Variants in EPB41L3 observed in about 807,000 individuals in gnomAD.
EPB41L3 encodes erythrocyte membrane protein band 4.1 like 3.
A neutral mutation model predicts 127.1 loss-of-function variants in EPB41L3; 57 were observed. The ratio of observed to expected loss-of-function variants is 0.45; its 90% CI spans 0.36 to 0.56. The LOEUF (loss-of-function observed/expected upper bound fraction) is 0.56. Ranked by LOEUF, EPB41L3 falls within the 20% of genes least tolerant of loss-of-function variation. The probability of loss-of-function intolerance (pLI) is 0.00; values close to 1 mark genes in which losing one functional copy is unlikely to be tolerated. For missense variants in EPB41L3, 1,273 were observed against 1,372.2 expected (o/e 0.93, Z 1.14); for synonymous variants, 572 against 549.5 (o/e 1.04, Z -0.57).
At chr18:5,422,197 A>T (rs1412094398) in intron 11 of EPB41L3, among the ~76,000 whole-genome samples, 1 of 152,134 alleles carries the variant, frequency 6.6e-6, no homozygotes, top group Non-Finnish European at 1.5e-5. Context: ...TTCAATCTGG[A>T]TTTACCCATG....
intron 1 of EPB41L3, among the ~76,000 whole-genome samples, chr18:5,623,216 G>A (rs922848623): frequency 6.6e-6 from 1 of 152,038 alleles, no homozygotes; most frequent in African/African-American, 2.4e-5. Flanking sequence ...GCACATAGTG[G>A]ATAGCCAACA....
chr18:5,513,323 C>A (rs117232831), intron 1 of EPB41L3, among the ~76,000 whole-genome samples: 1 of 152,126 alleles, frequency 6.6e-6, no homozygotes, highest in Non-Finnish European at 1.5e-5. Flanking sequence ...GACCACAAAT[C>A]TACTATGTAG....
chr18:5,522,048 G>A lies in EPB41L3; in HGVS notation c.-12+21865C>T, dbSNP rs114396416. On this transcript the variant is annotated intron_variant, in intron 1 of 22. Transcript: ENST00000341928. ...AACGATGTTTACAACAAGCAAAAGG[G>A]TTATCTTTAGAACAGACATGTATTT... 6.1e-3 allele frequency among the ~76,000 whole-genome samples: 930 copies of A among 152,130 alleles called. 11 individuals carry two copies. The highest frequency in any genetic ancestry group is 0.021 in the African/African-American group (882 of 41,512).
intron 1 of EPB41L3, among the ~76,000 whole-genome samples, chr18:5,615,362 TC>T (rs1370004526): frequency 6.6e-6 from 1 of 152,282 alleles, no homozygotes; most frequent in East Asian, 1.9e-4. Context: ...CTTGGTTTTA[TC>T]TCTTTATTTT....
At chr18:5,471,348 C>T (rs559018926) in intron 3 of EPB41L3, among the ~76,000 whole-genome samples, 5 of 152,206 alleles carry the variant, frequency 3.3e-5, no homozygotes, top group South Asian at 2.1e-4. Flanking sequence ...TAAAGCCACA[C>T]GCAGAGTAAG....
At chr18:5,537,734 G>C (rs2093612949) in intron 1 of EPB41L3, among the ~76,000 whole-genome samples, 1 of 152,132 alleles carries the variant, frequency 6.6e-6, no homozygotes. Flanking sequence ...CTTCTGGAAT[G>C]TCCTATCTGG....
intron 2 of EPB41L3, among the ~76,000 whole-genome samples, chr18:5,486,246 T>C (rs1599631116): frequency 1.3e-5 from 2 of 152,054 alleles, no homozygotes; most frequent in South Asian, 4.2e-4. Context: ...AGAACAGTCC[T>C]TTCAGTAAAG....
At position 5,517,411 on chromosome 18, in the gene EPB41L3, TA is replaced by T. The variant is rs1011907935; in HGVS notation, c.-12+26501del. On this transcript the variant is annotated intron_variant, in intron 1 of 22. Coordinates refer to ENST00000341928, the MANE Select transcript of EPB41L3 (RefSeq NM_012307.5). ...CAAATATGTATACAACCCCTCCCCT[TA>T]AAAAATAAATAAAAAGGACATTTAT... 1.4e-4 allele frequency among the ~76,000 whole-genome samples: 21 copies of T among 152,152 alleles called. 1 individual carries two copies. Among genetic ancestry groups the T allele is most frequent in the South Asian group, 1.0e-3 (5 of 4,800 alleles).
chr18:5,400,014 A>AT (rs57206070), intron 16 of EPB41L3: 48 of 153,090 alleles, frequency 3.1e-4, no homozygotes, highest in Middle Eastern at 3.4e-3. Flanking sequence ...CGAGTCTTAC[A>AT]TTTTTTTTTT....
At chr18:5,613,258 T>C (rs1045411998) in intron 2 of EPB41L3, among the ~76,000 whole-genome samples, 1 of 152,236 alleles carries the variant, frequency 6.6e-6, no homozygotes, top group Non-Finnish European at 1.5e-5. Context: ...ATAAATGTCC[T>C]GGCTTTTTTA....
chr18:5,567,794 T>C (rs2094226575), intron 3 of EPB41L3, among the ~76,000 whole-genome samples: 1 of 152,234 alleles, frequency 6.6e-6, no homozygotes, highest in African/African-American at 2.4e-5. Context: ...CTTTACTTTT[T>C]ATGTGTAATA....
chr18:5,413,976 G>A (rs2076497750), intron 13 of EPB41L3, among the ~76,000 whole-genome samples: 1 of 152,174 alleles, frequency 6.6e-6, no homozygotes, highest in African/African-American at 2.4e-5. Context: ...ACAACAAGAT[G>A]TATACCCTGG....
intron 3 of EPB41L3, among the ~76,000 whole-genome samples, chr18:5,452,123 C>T (rs2066958200): frequency 1.3e-5 from 2 of 152,184 alleles, no homozygotes; most frequent in Non-Finnish European, 2.9e-5. Flanking sequence ...GAGATACAGG[C>T]ATGAGCCACC....
intron 1 of EPB41L3, among the ~76,000 whole-genome samples, chr18:5,506,718 G>C (rs1035451843): frequency 4.6e-5 from 7 of 152,140 alleles, no homozygotes; most frequent in Non-Finnish European, 1.0e-4. Context: ...GGCATGTAGT[G>C]GGTGCTCAAA....
chr18:5,585,659 T>C (rs902298842), intron 3 of EPB41L3, among the ~76,000 whole-genome samples: 1 of 152,236 alleles, frequency 6.6e-6, no homozygotes, highest in Non-Finnish European at 1.5e-5. Flanking sequence ...TTTATGCCAT[T>C]AGGTCCCCAG....
At chr18:5,499,785 T>C (rs1368849518) in intron 1 of EPB41L3, among the ~76,000 whole-genome samples, 1 of 148,306 alleles carries the variant, frequency 6.7e-6, no homozygotes, top group Non-Finnish European at 1.5e-5. Context: ...AAAAAAACTT[T>C]GTTTTAAAGA....
At chr18:5,595,549 C>T (rs1194996461) in intron 3 of EPB41L3, among the ~76,000 whole-genome samples, 1 of 152,170 alleles carries the variant, frequency 6.6e-6, no homozygotes, top group Non-Finnish European at 1.5e-5. Flanking sequence ...GGAACATTTC[C>T]TGGCAGAAGG....
chr18:5,440,530 G>A (rs930495616), intron 5 of EPB41L3, among the ~76,000 whole-genome samples: 1 of 152,142 alleles, frequency 6.6e-6, no homozygotes, highest in African/African-American at 2.4e-5. Flanking sequence ...GAGGGCCCTA[G>A]TTAGAAAGAG....
At chr18:5,544,097 C>G (rs2093832239), upstream of EPB41L3, 1 of 985,558 alleles carries the variant, frequency 1.0e-6, no homozygotes, top group Non-Finnish European at 1.2e-6. Context: ...CGGCGGGGGC[C>G]CACGCCCAGA....
Sources: gnomAD v4.1 joint callset for allele counts (sites outside exome capture counted in the v4.1 genomes callset) on GRCh38, gnomAD v4.1.1 for gene constraint, MANE v1.5 for transcripts, NCBI Gene and HGNC (gene_info 2026-07-23, HGNC 2026-07-21) for gene names.